API5: variants seen among roughly 807,000 people sequenced by gnomAD.
API5 encodes apoptosis inhibitor 5, also known as FIF.
A neutral mutation model predicts 71.9 loss-of-function variants in API5; 6 were observed. The ratio of observed to expected loss-of-function variants is 0.08; its 90% CI spans 0.05 to 0.16. API5 has a LOEUF of 0.16. API5 is among the 10% of genes least tolerant of loss of function. The probability of loss-of-function intolerance (pLI) is 1.00; values close to 1 mark genes in which losing one functional copy is unlikely to be tolerated. For synonymous variants in API5, 189 were observed against 221.3 expected (o/e 0.85, Z 1.30); for missense variants, 332 against 612.8 (o/e 0.54, Z 4.84).
rs1227332040 is a variant in API5 at position 43,321,230 on chromosome 11, G to GC, written c.326-179dup. Reference sequence around the variant, plus strand: ...ATCTTAATAAAAGTTTTTCAGGCATGCCAGATCGGGTTCTCAACTTACAAG... The same window carrying GC: ...ATCTTAATAAAAGTTTTTCAGGCATGCCCAGATCGGGTTCTCAACTTACAAG... On this transcript the variant is annotated intron_variant, in intron 3 of 13. Coordinates refer to ENST00000531273, the MANE Select transcript of API5 (RefSeq NM_001142930.2). 5.3e-5 allele frequency among the ~76,000 whole-genome samples: 8 copies of GC among 152,254 alleles called. No homozygotes were observed. In the East Asian group the frequency reaches 9.6e-4, roughly 18 times the overall value.
In API5 at chr11:43,330,533, A is replaced by T; in HGVS notation, c.1247A>T (p.Lys416Ile). Residue 416 changes from lysine to isoleucine, a missense_variant, in exon 11 of 14, where the codon AAA (lysine) becomes ATA (isoleucine). Around this residue, in one of 3 missense-constraint regions of API5, gnomAD observed 168 missense variants for 343.9 expected, o/e 0.49. Transcript: ENST00000531273. ...AACAAGATTAAAGTCGTTGCATTGA[A>T]AATAACAAACAATATCAATGTTTTA... ...EENKIKVVAL[K>I]ITNNINVLIK... 3.7e-6 allele frequency: 6 copies of T among 1,600,064 alleles called. No homozygotes were observed. Among genetic ancestry groups the T allele is most frequent in the Non-Finnish European group, 5.1e-6 (6 of 1,167,842 alleles).
chr11:43,312,394 A>T (rs1299541959), intron 1 of API5, among the ~76,000 whole-genome samples, 198 bp downstream of exon 1: 1 of 152,156 alleles, frequency 6.6e-6, no homozygotes, highest in Non-Finnish European at 1.5e-5. Context: ...CGCGGTCCCC[A>T]GGGTTCCAGG....
rs1229902025 is a variant in API5 at position 43,344,052 on chromosome 11, A to T, written c.*1542A>T. ...GCTTGGCTATGGAGTGGTGGCAATA[A>T]TCTCTAAACATTCCAAAAGACCATG... On this transcript the variant is annotated 3_prime_UTR_variant, in exon 14 of 14. Transcript: ENST00000531273. 6.6e-6 allele frequency: 1 copy of T among 152,616 alleles called. No homozygotes were observed. The highest frequency in any genetic ancestry group is 1.5e-5 in the Non-Finnish European group (1 of 68,026). 9.5% of individuals were successfully genotyped at this position (152,616 alleles called of 1,614,324 possible).
intron 11 of API5, among the ~76,000 whole-genome samples, chr11:43,332,613 G>A (rs1349042471): frequency 1.3e-5 from 2 of 151,974 alleles, no homozygotes; most frequent in Non-Finnish European, 2.9e-5. Context: ...TATGGAGTTG[G>A]GGTGTACTAC....
intron 13 of API5, among the ~76,000 whole-genome samples, chr11:43,339,069 G>T (rs1855528726): frequency 6.6e-6 from 1 of 152,138 alleles, no homozygotes; most frequent in South Asian, 2.1e-4. Flanking sequence ...TAAACACAAT[G>T]ATTTCATTTT....
At chr11:43,316,338 C>A (rs951996502) in intron 1 of API5, among the ~76,000 whole-genome samples, 1 of 151,642 alleles carries the variant, frequency 6.6e-6, no homozygotes, top group Non-Finnish European at 1.5e-5. Context: ...TTATTTGATT[C>A]CAGATTTAAT....
chr11:43,330,472 T>C (rs746934019), intron 10 of API5, 36 bp from the exon 11 acceptor site: 3 of 1,437,314 alleles, frequency 2.1e-6, no homozygotes, highest in South Asian at 2.3e-5. Context: ...ATAGAAGTTA[T>C]TGGCAATTTG....
chr11:43,317,141 A>G (rs1410819724), intron 1 of API5, among the ~76,000 whole-genome samples: 1 of 152,204 alleles, frequency 6.6e-6, no homozygotes, highest in Non-Finnish European at 1.5e-5. Context: ...ATACATAATA[A>G]ATACTATACT....
At chr11:43,320,753 A>G in intron 2 of API5, 68 bp from the exon 3 acceptor site, 2 of 1,328,688 alleles carry the variant, frequency 1.5e-6, no homozygotes, top group Non-Finnish European at 2.1e-6. Context: ...AAAGAAAGAA[A>G]AGAAAAAGCT....
chr11:43,320,731 TAAA>T (rs774106510), intron 2 of API5, 87 bp from the exon 3 acceptor site: 261 of 994,022 alleles, frequency 2.6e-4, no homozygotes, highest in Non-Finnish European at 3.1e-4. Context: ...ACCTTGTCTT[TAAA>T]AAAAAAAAAA....
In API5 at chr11:43,342,702, A is replaced by G. The variant is rs1216384257; in HGVS notation, c.*192A>G. On this transcript the variant is annotated 3_prime_UTR_variant, in exon 14 of 14. Transcript: ENST00000531273. ...TTGTGTCCAAGGTAAAACCACAGTG[A>G]TATTTTTGGATGCTTTGTCTGCAAT... 1 of 689,304 alleles carries G rather than the reference A, an allele frequency of 1.5e-6. No individual in the cohort carries two copies. The highest frequency in any genetic ancestry group is 1.8e-5 in the African/African-American group (1 of 56,742). 42.7% of individuals were successfully genotyped at this position (689,304 alleles called of 1,614,324 possible). A position where few individuals can be genotyped will look rare whatever the true frequency, so the allele number is the denominator to read the frequency against.
At chr11:43,342,296 T>A in intron 13 of API5, 132 bp from the exon 14 acceptor site, 1 of 721,516 alleles carries the variant, frequency 1.4e-6, no homozygotes. Context: ...ATTTGTAGAT[T>A]GAATAGCAGA....
rs1264567060 is a variant in API5 at position 43,343,191 on chromosome 11, T to C, written c.*681T>C. 1.3e-5 allele frequency: 2 copies of C among 151,572 alleles called. No individual in the cohort carries two copies. Among genetic ancestry groups the C allele is most frequent in the Admixed American group, 6.6e-5 (1 of 15,258 alleles). 9.4% of individuals were successfully genotyped at this position (151,572 alleles called of 1,614,324 possible). On this transcript the variant is annotated 3_prime_UTR_variant, in exon 14 of 14. Transcript: ENST00000531273. ...TATAATATACATACATACATAAGCATATATGTGTGTGTGTGTGTGTATATA... is the reference window on the plus strand; with the variant it reads ...TATAATATACATACATACATAAGCACATATGTGTGTGTGTGTGTGTATATA...
At chr11:43,336,196 T>A in intron 13 of API5, 1 of 596,508 alleles carries the variant, frequency 1.7e-6, no homozygotes, top group Non-Finnish European at 2.7e-6. Context: ...GTATTGAACA[T>A]GCAACATTAA....
chr11:43,320,722 C>A (rs1854850392), intron 2 of API5, 99 bp from the exon 3 acceptor site: 2 of 1,053,722 alleles, frequency 1.9e-6, no homozygotes, highest in Non-Finnish European at 2.8e-6. Context: ...CAGAGCAATA[C>A]CTTGTCTTTA....
Position 43,338,407 on chromosome 11 carries a change from C to T in API5, c.1492+2413C>T, listed in dbSNP as rs868137867. The stretch of plus-strand genomic sequence containing the variant: ...TTTCCTTCCAGTGCACAAAGTTTCC[C>T]CAGTAACCTAAAAGTACTAAATGTT... On this transcript the variant is annotated intron_variant, in intron 13 of 13. Coordinates refer to ENST00000531273, the MANE Select transcript of API5 (RefSeq NM_001142930.2). 1.2e-4 allele frequency among the ~76,000 whole-genome samples: 19 copies of T among 152,078 alleles called. No homozygotes were observed. In the Middle Eastern group the frequency reaches 0.01, roughly 82 times the overall value.
Position 43,321,453 on chromosome 11 carries a change from GTATAT to G in API5, c.370_374del (p.Ile124Ter). ...AACCTAGTGAACAATGCCCTATTAA[GTATAT>G]TTAAAATGGATGCAAAAGGTAAGGC... On this transcript the variant is annotated frameshift_variant, in exon 4 of 14. Transcript: ENST00000531273. LOFTEE classifies it high-confidence loss of function. The G allele has an allele frequency of 6.2e-7, 1 of 1,611,226 alleles. No homozygotes were observed. Among genetic ancestry groups the G allele is most frequent in the Non-Finnish European group, 8.5e-7 (1 of 1,178,444 alleles).
At chr11:43,340,860 A>G (rs1360895583) in intron 13 of API5, among the ~76,000 whole-genome samples, 1 of 152,182 alleles carries the variant, frequency 6.6e-6, no homozygotes, top group East Asian at 1.9e-4. Flanking sequence ...AACAAGAAGC[A>G]CTTCAGGACA....
In API5 at chr11:43,312,049, G is replaced by T. The variant is rs906471729; in HGVS notation, c.-79G>T. ...GGAGGTGTAATAGTGCGGGTAGTGG[G>T]TTTGGAGAAGTTCCGAGGCGGCGGT... On this transcript the variant is annotated 5_prime_UTR_variant, in exon 1 of 14. Transcript: ENST00000531273. 12 of 1,520,582 alleles carry T rather than the reference G, an allele frequency of 7.9e-6. No homozygotes were observed. In the African/African-American group the frequency reaches 1.2e-4, roughly 16 times the overall value. The allele number at this position is 1,520,582 out of a possible 1,614,324, so 94.2% of individuals were successfully genotyped here.
Sources: gnomAD v4.1 joint callset for allele counts (sites outside exome capture counted in the v4.1 genomes callset) on GRCh38, gnomAD v4.1.1 for gene constraint, gnomAD v4.1.1 regional missense constraint, MANE v1.5 for transcripts, NCBI Gene and HGNC (gene_info 2026-07-23, HGNC 2026-07-21) for gene names.